Variants in ZSCAN5B observed in about 807,000 individuals in gnomAD.
ZSCAN5B encodes the protein zinc finger and SCAN domain containing 5B, also known as zinc finger and SCAN domain-containing protein 5B.
In ZSCAN5B, 26 loss-of-function variants were observed where a neutral mutation model predicts 25.2. The observed-to-expected ratio is 1.03, with a 90% CI of 0.76 to 1.43. The LOEUF (loss-of-function observed/expected upper bound fraction) is 1.43, where lower values mean the gene tolerates loss of function less well. ZSCAN5B is among the 40% of genes most tolerant of loss of function. The pLI, the probability that ZSCAN5B is intolerant of heterozygous loss-of-function variation, is 0.00. For synonymous variants in ZSCAN5B, 244 were observed against 240.9 expected, an observed-to-expected ratio of 1.01 and a Z score of -0.12; for missense variants, 745 against 622.1, an observed-to-expected ratio of 1.20 and a Z score of -2.10.
At position 56,192,054 on chromosome 19, in the gene ZSCAN5B, C is replaced by T. The variant is rs1599938260; in HGVS notation, c.385-1G>A. 6.2e-7 allele frequency: 1 copy of T among 1,609,180 alleles called. No homozygotes were observed. The highest frequency in any genetic ancestry group is 8.5e-7 in the Non-Finnish European group (1 of 1,177,840). On this transcript the variant is annotated splice_acceptor_variant, in intron 2 of 4. Coordinates refer to ENST00000586855, the Ensembl canonical transcript of ZSCAN5B. LOFTEE classifies it high-confidence loss of function. ...CTTTGCCGAGCAAGTTGACTATAGA[C>T]TGTAGAGAGAAAAAAGACAATCAGA...
intron 3 of ZSCAN5B, among the ~76,000 whole-genome samples, chr19:56,191,521 T>G (rs1427728512): frequency 1.3e-5 from 2 of 152,222 alleles, no homozygotes; most frequent in Non-Finnish European, 2.9e-5. Context: ...CCTTGCTGAA[T>G]GACTTCATGA....
chr19:56,197,742 C>A lies in ZSCAN5B; in HGVS notation c.-136G>T, dbSNP rs72490748. ...CGCCGCTGGACACTCACCTCCTTCC[C>A]GGCTTCTGCCTCCGACCTTCTCGGT... On this transcript the variant is annotated 5_prime_UTR_variant, in exon 1 of 5. Transcript: ENST00000586855. 586 of 985,382 alleles carry A rather than the reference C, an allele frequency of 5.9e-4. 12 individuals are homozygous for A. The East Asian group carries it at 0.056, about 95-fold the overall frequency. The allele number at this position is 985,382 out of a possible 1,614,324, so 61.0% of individuals were successfully genotyped here.
At chr19:56,193,112 A>G in exon 2 of ZSCAN5B, 5 of 1,460,922 alleles carry the variant, frequency 3.4e-6, no homozygotes, top group Non-Finnish European at 4.5e-6. Flanking sequence ...CCAGTATCAA[A>G]TTGAGACCTA....
chr19:56,197,534 C>A (rs1349940212), intron 1 of ZSCAN5B, among the ~76,000 whole-genome samples, 200 bp downstream of exon 1: 1 of 152,202 alleles, frequency 6.6e-6, no homozygotes, highest in Admixed American at 6.5e-5. Context: ...CTGGGCCCGA[C>A]CGAGAAAGTT....
exon 3 of ZSCAN5B, chr19:56,191,962 C>T (rs762833792): frequency 1.2e-6 from 2 of 1,614,104 alleles, no homozygotes; most frequent in South Asian, 1.1e-5. Context: ...GGACACGTCT[C>T]TCGGATCATC....
chr19:56,190,715 G>A, intron 4 of ZSCAN5B, 122 bp downstream of exon 4: 1 of 1,540,800 alleles, frequency 6.5e-7, no homozygotes, highest in South Asian at 1.3e-5. Context: ...TAGGTCTCTG[G>A]AAAGTGGAGG....
intron 4 of ZSCAN5B, 106 bp from the exon 5 acceptor site, chr19:56,190,681 C>G (rs1324894853): frequency 2.6e-5 from 41 of 1,551,164 alleles, no homozygotes; most frequent in African/African-American, 1.4e-5. Flanking sequence ...TTCCCCTCAA[C>G]CTCAAGCCTA....
intron 1 of ZSCAN5B, among the ~76,000 whole-genome samples, chr19:56,195,456 G>A (rs2032798317): frequency 6.6e-6 from 1 of 151,758 alleles, no homozygotes; most frequent in African/African-American, 2.4e-5. Context: ...CTGCTAGAGT[G>A]GCTGTTCCCA....
chr19:56,191,537 CTT>C (rs1278558576), intron 3 of ZSCAN5B, among the ~76,000 whole-genome samples: 1 of 152,180 alleles, frequency 6.6e-6, no homozygotes, highest in Non-Finnish European at 1.5e-5. Flanking sequence ...CATGAAATGT[CTT>C]TGCGGAAACT....
chr19:56,190,692 A>G, intron 4 of ZSCAN5B, 117 bp from the exon 5 acceptor site: 1 of 1,548,856 alleles, frequency 6.5e-7, no homozygotes, highest in Non-Finnish European at 8.7e-7. Flanking sequence ...CTCAAGCCTA[A>G]GACATTGGAC....
At chr19:56,193,012 G>A (rs2122201213) in exon 2 of ZSCAN5B, 4 of 1,596,316 alleles carry the variant, frequency 2.5e-6, no homozygotes, top group Non-Finnish European at 3.4e-6. Flanking sequence ...GCTGTTGCAG[G>A]GTCCTCCCTG....
At chr19:56,192,588 T>G in intron 2 of ZSCAN5B, 81 bp downstream of exon 2, 2 of 1,529,626 alleles carry the variant, frequency 1.3e-6, no homozygotes, top group Non-Finnish European at 1.8e-6. Context: ...ATATTAGCTG[T>G]GCTGATATTT....
exon 2 of ZSCAN5B, chr19:56,192,676 T>C: frequency 1.3e-6 from 2 of 1,592,222 alleles, no homozygotes; most frequent in Non-Finnish European, 1.7e-6. Context: ...CACCCATTTC[T>C]TGGGTCTTCT....
chr19:56,192,417 A>G (rs1222798264), intron 2 of ZSCAN5B, among the ~76,000 whole-genome samples: 1 of 152,172 alleles, frequency 6.6e-6, no homozygotes, highest in African/African-American at 2.4e-5. Context: ...CTGCCTCAGG[A>G]TGGGACTTCT....
chr19:56,194,561 C>T (rs927750433), intron 1 of ZSCAN5B, among the ~76,000 whole-genome samples: 5 of 152,034 alleles, frequency 3.3e-5, no homozygotes, highest in Admixed American at 6.6e-5. Context: ...TCCCAAAATT[C>T]GGGGATTACA....
intron 1 of ZSCAN5B, among the ~76,000 whole-genome samples, chr19:56,196,052 T>C (rs1441240532): frequency 2.0e-5 from 3 of 151,902 alleles, no homozygotes; most frequent in East Asian, 3.9e-4. Flanking sequence ...TTTTATTTCG[T>C]TTTATTGATT....
chr19:56,197,629 G>A (rs1599942780), intron 1 of ZSCAN5B, 105 bp downstream of exon 1: 1 of 605,378 alleles, frequency 1.7e-6, no homozygotes, highest in African/African-American at 2.0e-5. Context: ...CCTTCACAAA[G>A]TCTCCGAGAA....
At chr19:56,196,788 G>T (rs369410276) in intron 1 of ZSCAN5B, among the ~76,000 whole-genome samples, 1 of 152,050 alleles carries the variant, frequency 6.6e-6, no homozygotes, top group South Asian at 2.1e-4. Context: ...TAAGTAAATC[G>T]ATACATTTTT....
At position 56,190,702 on chromosome 19, in the gene ZSCAN5B, C is replaced by G. The variant is rs888783655; in HGVS notation, c.740-127G>C. Reference sequence around the variant, plus strand: ...TCAACCTCAAGCCTAAGACATTGGACTGTAGGTCTCTGGAAAGTGGAGGAG... The same window carrying G: ...TCAACCTCAAGCCTAAGACATTGGAGTGTAGGTCTCTGGAAAGTGGAGGAG... On this transcript the variant is annotated intron_variant, in intron 4 of 4. Coordinates refer to ENST00000586855, the Ensembl canonical transcript of ZSCAN5B. The G allele has an allele frequency of 1.9e-6, 3 of 1,540,732 alleles. No individual in the cohort carries two copies. The African/African-American group carries it at 4.2e-5, about 21-fold the overall frequency.
Sources: gnomAD v4.1 joint callset for allele counts (sites outside exome capture counted in the v4.1 genomes callset) on GRCh38, gnomAD v4.1.1 for gene constraint, MANE v1.5 for transcripts, NCBI Gene and HGNC (gene_info 2026-07-23, HGNC 2026-07-21) for gene names.